The following PIGS variants were observed in gnomAD, a reference collection of about 807,000 sequenced individuals.
The protein encoded by PIGS is phosphatidylinositol glycan anchor biosynthesis class S, also known as GPI-anchor transamidase component PIGS.
PIGS carries 37 observed loss-of-function variants against 58.2 expected under a neutral mutation model. The observed-to-expected ratio is 0.64, with a 90% confidence interval of 0.49 to 0.84. The LOEUF (loss-of-function observed/expected upper bound fraction) is 0.84, where lower values mean the gene tolerates loss of function less well. Among genes scored for constraint, PIGS ranks in the 40% least tolerant of loss-of-function variants. PIGS has a pLI of 0.00. For synonymous variants in PIGS, 269 were observed against 289.2 expected (o/e 0.93, Z 0.71); for missense variants, 629 against 710.8 (o/e 0.88, Z 1.31).
chr17:28,570,822 G>A (rs778513049), intron 3 of PIGS, 30 bp downstream of exon 3: 4 of 1,611,350 alleles, frequency 2.5e-6, no homozygotes, highest in Middle Eastern at 3.3e-4. Context: ...GCTCAGAGGC[G>A]AAAAGCAGCC....
chr17:28,563,958 GCCCACCTT>G (rs2070380549), intron 3 of PIGS, 51 bp from the exon 4 acceptor site: 3 of 1,500,068 alleles, frequency 2.0e-6, no homozygotes, highest in African/African-American at 2.8e-5. Context: ...TCATGCCTCT[GCCCACCTT>G]CCCAGACCTA....
At position 28,556,878 on chromosome 17, in the gene PIGS, G is replaced by T. The variant is rs372731062; in HGVS notation, c.1029C>A (p.Gly343=). ...HSPLYIQDKD[G]APVATNAFHS... is the part of the protein sequence containing the mutation. ...GGAAGGCATTGGTGGCCACTGGAGC[G>T]CCATCCTTGTCCTGAATGTACAGCG... The change falls in exon 9 of 12, where the codon GGC becomes GGA. Residue 343 remains glycine, a synonymous_variant. Transcript: ENST00000308360. 1.2e-6 allele frequency: 2 copies of T among 1,614,116 alleles called. No homozygotes were observed. Among genetic ancestry groups the T allele is most frequent in the East Asian group, 2.2e-5 (1 of 44,886 alleles).
At chr17:28,562,243 T>A (rs1280457727) in intron 5 of PIGS, among the ~76,000 whole-genome samples, 1 of 152,150 alleles carries the variant, frequency 6.6e-6, no homozygotes, top group African/African-American at 2.4e-5. Context: ...AGATACAGCA[T>A]ATGTGATCAA....
chr17:28,565,046 A>G (rs981368902), intron 3 of PIGS, among the ~76,000 whole-genome samples: 4 of 152,256 alleles, frequency 2.6e-5, no homozygotes, highest in Non-Finnish European at 5.9e-5. Flanking sequence ...AAAGAGAAAG[A>G]AAACTTAAAA....
At position 28,558,476 on chromosome 17, in the gene PIGS, C is replaced by T; in HGVS notation, c.934G>A (p.Gly312Arg). ...AAGACCCTCATCCTTAGGTGCTCACCCAGCCGGGACTCCACTGGGTTGATG... is the reference window on the plus strand; with the variant it reads ...AAGACCCTCATCCTTAGGTGCTCACTCAGCCGGGACTCCACTGGGTTGATG... ...HVINPVESRL[G>R]SSAASLYPVL... The change falls in exon 8 of 12, where the codon GGA becomes AGA. Residue 312 changes from glycine (G) to arginine (R), a missense_variant and splice_region_variant. Gly to Arg is a moderately radical substitution (Grantham distance 125). Transcript: ENST00000308360. 1 of 1,608,898 alleles carries T rather than the reference C, an allele frequency of 6.2e-7. No individual in the cohort carries two copies. The highest frequency in any genetic ancestry group is 8.5e-7 in the Non-Finnish European group (1 of 1,176,882).
At position 28,555,078 on chromosome 17, in the gene PIGS, G is replaced by C. The variant is rs2070318409; in HGVS notation, c.1182-17C>G. On this transcript the variant is annotated splice_polypyrimidine_tract_variant and intron_variant, in intron 10 of 11. Coordinates refer to ENST00000308360, the MANE Select transcript of PIGS (RefSeq NM_033198.4). ...AAGAGCAACCTGTAGGAACATCGGA[G>C]TAAGATCAAGGTGGCTGAGACCACA... 6.2e-7 allele frequency: 1 copy of C among 1,600,872 alleles called. No homozygotes were observed. Among genetic ancestry groups the C allele is most frequent in the African/African-American group, 1.3e-5 (1 of 74,558 alleles).
At chr17:28,555,321 G>T (rs953369113) in intron 10 of PIGS, 1 of 468,164 alleles carries the variant, frequency 2.1e-6, no homozygotes, top group Non-Finnish European at 3.8e-6. Context: ...TTAAAAAAAG[G>T]TTCCATGGCT....
intron 3 of PIGS, among the ~76,000 whole-genome samples, chr17:28,568,703 C>A (rs2070407894): frequency 6.6e-6 from 1 of 152,202 alleles, no homozygotes; most frequent in African/African-American, 2.4e-5. Flanking sequence ...ACCCATATTA[C>A]TGAACACTGT....
chr17:28,569,382 G>C (rs574053904), intron 3 of PIGS, among the ~76,000 whole-genome samples: 1 of 151,536 alleles, frequency 6.6e-6, no homozygotes, highest in African/African-American at 2.4e-5. Flanking sequence ...GGCTGAGATG[G>C]GAGGATCGCT....
rs114925145 is a variant in PIGS at position 28,554,862 on chromosome 17, C to A, written c.1381G>T (p.Val461Leu). Residue 461 changes from valine to leucine, a missense_variant, in exon 11 of 12, where the codon GTG becomes TTG. Physicochemically the swap from Val to Leu is conservative, Grantham distance 32 (BLOSUM62 1). Transcript: ENST00000308360. ...KISNIVIKDD[V>L]ASEVYKAVAA... ...CCCTGCCTGCTTACCTCAGATGCCA[C>A]GTCGTCCTTAATGACAATGTTGCTG... The A allele has an allele frequency of 6.2e-7, 1 of 1,614,186 alleles. No individual in the cohort carries two copies. Among genetic ancestry groups the A allele is most frequent in the South Asian group, 1.1e-5 (1 of 91,082 alleles).
chr17:28,562,703 G>T (rs893536290), intron 5 of PIGS, among the ~76,000 whole-genome samples: 29 of 151,546 alleles, frequency 1.9e-4, no homozygotes, highest in Admixed American at 1.3e-4. Context: ...CAAAGTGCTG[G>T]GATTACAGGC....
At chr17:28,566,288 T>G (rs2070394126) in intron 3 of PIGS, among the ~76,000 whole-genome samples, 4 of 113,258 alleles carry the variant, frequency 3.5e-5, no homozygotes, top group South Asian at 2.7e-4. Context: ...TTTTTTTTTT[T>G]GTTTTTTTGG....
At chr17:28,569,568 G>C (rs1567618033) in intron 3 of PIGS, among the ~76,000 whole-genome samples, 3 of 151,656 alleles carry the variant, frequency 2.0e-5, no homozygotes, top group Admixed American at 1.3e-4. Flanking sequence ...TCTAGACTCA[G>C]CCCAAATCTC....
At chr17:28,566,014 G>C (rs1474471426) in intron 3 of PIGS, among the ~76,000 whole-genome samples, 1 of 152,082 alleles carries the variant, frequency 6.6e-6, no homozygotes, top group African/African-American at 2.4e-5. Context: ...CTGGGTGACA[G>C]AGTGAGACTC....
At chr17:28,556,502 C>T (rs949114511) in intron 9 of PIGS, 11 of 728,746 alleles carry the variant, frequency 1.5e-5, no homozygotes, top group African/African-American at 1.0e-4. Context: ...TAGAATTCTC[C>T]CCCATGAGAA....
chr17:28,554,165 TA>T lies in PIGS; in HGVS notation c.*54del. On this transcript the variant is annotated 3_prime_UTR_variant, in exon 12 of 12. Coordinates refer to ENST00000308360, the MANE Select transcript of PIGS (RefSeq NM_033198.4). ...GGCCCCATGTACGTGCCTCACAATC[TA>T]ACACCGCCCACCTTGGCCAGAAAGG... 6.3e-7 allele frequency: 1 copy of T among 1,595,450 alleles called. No individual in the cohort carries two copies. Among genetic ancestry groups the T allele is most frequent in the Non-Finnish European group, 8.5e-7 (1 of 1,169,752 alleles).
At position 28,563,453 on chromosome 17, in the gene PIGS, TC is replaced by T; in HGVS notation, c.445del (p.Glu149AsnfsTer10). 6.2e-7 allele frequency: 1 copy of T among 1,614,028 alleles called. No homozygotes were observed. The highest frequency in any genetic ancestry group is 8.5e-7 in the Non-Finnish European group (1 of 1,179,978). Reference protein sequence around the residue: ...EGSLTVYVISEHSSLLPQDMM... With the variant: ...EGSLTVYVISXHSSLLPQDMM... ...TACCTGGGGAAGAAGTGAGGAGTGT[TC>T]AGATATCACGTACACAGTCAGGGAG... On this transcript the variant is annotated frameshift_variant, in exon 5 of 12. Transcript: ENST00000308360. LOFTEE classifies it high-confidence loss of function.
At chr17:28,567,630 G>A (rs1567617547) in intron 3 of PIGS, among the ~76,000 whole-genome samples, 1 of 152,192 alleles carries the variant, frequency 6.6e-6, no homozygotes, top group Admixed American at 6.5e-5. Context: ...ACTTAGTTAG[G>A]TGTGACAATG....
At chr17:28,559,121 A>T (rs1200692039) in intron 7 of PIGS, among the ~76,000 whole-genome samples, 2 of 151,948 alleles carry the variant, frequency 1.3e-5, no homozygotes, top group Non-Finnish European at 2.9e-5. Context: ...CTGGGACTAA[A>T]GGTACGCGCC....
Sources: gnomAD v4.1 joint callset for allele counts (sites outside exome capture counted in the v4.1 genomes callset) on GRCh38, gnomAD v4.1.1 for gene constraint, MANE v1.5 for transcripts, NCBI Gene and HGNC (gene_info 2026-07-23, HGNC 2026-07-21) for gene names.